Variants in GAP43 observed in about 807,000 individuals in gnomAD.
The protein encoded by GAP43 is growth associated protein 43.
In GAP43, 6 loss-of-function variants were observed where a neutral mutation model predicts 18.6. That is an observed-to-expected ratio of 0.32 (90% CI 0.18 to 0.64). The LOEUF is 0.64. Ranked by LOEUF, GAP43 falls within the 30% of genes least tolerant of loss-of-function variation. The pLI is 0.78. For missense variants in GAP43, 292 were observed against 295.5 expected, an observed-to-expected ratio of 0.99 and a Z score of 0.09; for synonymous variants, 115 against 111.4, an observed-to-expected ratio of 1.03 and a Z score of -0.20.
intron 1 of GAP43, among the ~76,000 whole-genome samples, chr3:115,648,453 G>A (rs1214080051): frequency 6.6e-6 from 1 of 152,072 alleles, no homozygotes; most frequent in Admixed American, 6.6e-5. Context: ...CCTATGATGT[G>A]TGGAGAAATA....
chr3:115,721,356 G>C lies in GAP43; in HGVS notation c.*474G>C, dbSNP rs1188771099. 1 of 151,948 alleles carries C rather than the reference G, an allele frequency of 6.6e-6. No homozygotes were observed. The highest frequency in any genetic ancestry group is 1.9e-4 in the East Asian group (1 of 5,184). The allele number at this position is 151,948 out of a possible 1,614,324, so 9.4% of individuals were successfully genotyped here. On this transcript the variant is annotated 3_prime_UTR_variant, in exon 3 of 3. Transcript: ENST00000305124. ...TCAATGTGATGGAATGAACAAAAAG[G>C]AAAAAATTCAAAAAACCCAGTTTGT...
chr3:115,686,313 A>G (rs1221274709), intron 2 of GAP43, among the ~76,000 whole-genome samples: 1 of 152,244 alleles, frequency 6.6e-6, no homozygotes, highest in East Asian at 1.9e-4. Context: ...GTACATATAT[A>G]TGTGATGCCA....
rs576337747 is a variant in GAP43 at position 115,705,950 on chromosome 3, G to A, written c.629-14844G>A. ...AACAAGATTCCAAAAGAAGTATGAC[G>A]TCTCTTTGCCTAGAAAACTTTCAAG... is the stretch of plus-strand genomic sequence containing the variant. On this transcript the variant is annotated intron_variant, in intron 2 of 2. Coordinates refer to ENST00000305124, the MANE Select transcript of GAP43 (RefSeq NM_002045.4). 1.4e-4 allele frequency among the ~76,000 whole-genome samples: 21 copies of A among 152,198 alleles called. 1 individual carries two copies. The highest frequency in any genetic ancestry group is 6.6e-4 in the Admixed American group (10 of 15,262).
At chr3:115,628,397 C>G (rs969127884) in intron 1 of GAP43, among the ~76,000 whole-genome samples, 1 of 152,082 alleles carries the variant, frequency 6.6e-6, no homozygotes, top group African/African-American at 2.4e-5. Context: ...CTCTATAGTT[C>G]TCTGTCTCAC....
intron 2 of GAP43, among the ~76,000 whole-genome samples, chr3:115,698,067 T>A (rs1279691023): frequency 0.17 from 11,251 of 67,272 alleles, 901 homozygotes; most frequent in South Asian, 0.25. Flanking sequence ...AAATATATAT[T>A]ATATATAATA....
At chr3:115,719,794 T>A (rs144180198) in intron 2 of GAP43, among the ~76,000 whole-genome samples, 10 of 152,286 alleles carry the variant, frequency 6.6e-5, no homozygotes, top group African/African-American at 2.4e-4. Context: ...AACCTAGGGG[T>A]GGTCTTGGGG....
intron 2 of GAP43, among the ~76,000 whole-genome samples, chr3:115,706,620 T>A (rs954593102): frequency 6.6e-6 from 1 of 152,212 alleles, no homozygotes; most frequent in African/African-American, 2.4e-5. Flanking sequence ...ATTCTTGTAT[T>A]ACTGAATCAT....
intron 1 of GAP43, among the ~76,000 whole-genome samples, chr3:115,645,499 T>G (rs745345760): frequency 1.3e-5 from 2 of 152,008 alleles, no homozygotes; most frequent in Non-Finnish European, 2.9e-5. Flanking sequence ...TCTTCTTGTT[T>G]TGGCTTCTGT....
intron 2 of GAP43, among the ~76,000 whole-genome samples, chr3:115,695,049 T>C (rs577858162): frequency 2.5e-4 from 38 of 152,360 alleles, no homozygotes; most frequent in African/African-American, 7.9e-4. Context: ...CATGGAAATA[T>C]CAGTGCCTTA....
intron 2 of GAP43, among the ~76,000 whole-genome samples, chr3:115,688,419 G>A (rs1161474229): frequency 6.6e-6 from 1 of 152,054 alleles, no homozygotes; most frequent in African/African-American, 2.4e-5. Flanking sequence ...CAACATAATT[G>A]TATAAATAAT....
chr3:115,641,034 T>TC (rs1245818348), intron 1 of GAP43, among the ~76,000 whole-genome samples: 1 of 140,766 alleles, frequency 7.1e-6, no homozygotes, highest in Non-Finnish European at 1.6e-5. Context: ...TGTTTTTTTT[T>TC]TTCTTTTTTT....
At position 115,701,491 on chromosome 3, in the gene GAP43, C is replaced by A. The variant is rs1709296519; in HGVS notation, c.629-19303C>A. Among the ~76,000 whole-genome samples, 4 of 151,988 alleles carry A rather than the reference C, an allele frequency of 2.6e-5. No homozygotes were observed. In the South Asian group the frequency reaches 8.3e-4, roughly 32 times the overall value. On this transcript the variant is annotated intron_variant, in intron 2 of 2. Coordinates refer to ENST00000305124, the MANE Select transcript of GAP43 (RefSeq NM_002045.4). Reference sequence around the variant, plus strand: ...CTTGGGAACAGTTCCATTAACTAGACTTCTGCTTGGTTTACATTACCTACA... The same window carrying A: ...CTTGGGAACAGTTCCATTAACTAGAATTCTGCTTGGTTTACATTACCTACA...
chr3:115,652,428 G>A (rs1708532557), intron 1 of GAP43, among the ~76,000 whole-genome samples: 1 of 123,184 alleles, frequency 8.1e-6, no homozygotes, highest in Non-Finnish European at 1.6e-5. Flanking sequence ...TGTTGTCCAG[G>A]CTTAAGTGCA....
chr3:115,687,865 G>A (rs1709054466), intron 2 of GAP43, among the ~76,000 whole-genome samples: 1 of 152,050 alleles, frequency 6.6e-6, no homozygotes, highest in Admixed American at 6.6e-5. Flanking sequence ...ATCTTTTCAG[G>A]CAGGCATCCA....
intron 2 of GAP43, among the ~76,000 whole-genome samples, chr3:115,681,489 C>G (rs544338929): frequency 6.6e-6 from 1 of 152,198 alleles, no homozygotes; most frequent in South Asian, 2.1e-4. Context: ...ATTCTCTGTC[C>G]TACCTGCCTT....
At chr3:115,630,703 C>T (rs1449524270) in intron 1 of GAP43, among the ~76,000 whole-genome samples, 1 of 152,170 alleles carries the variant, frequency 6.6e-6, no homozygotes, top group Non-Finnish European at 1.5e-5. Context: ...CTCCCAATCT[C>T]TTTGGCATTG....
At chr3:115,710,493 A>T (rs1330960932) in intron 2 of GAP43, among the ~76,000 whole-genome samples, 2 of 152,156 alleles carry the variant, frequency 1.3e-5, no homozygotes, top group African/African-American at 4.8e-5. Context: ...TGATCAGTAT[A>T]AAAAAGCACT....
At chr3:115,714,592 A>G (rs573816191) in intron 2 of GAP43, among the ~76,000 whole-genome samples, 70 of 152,290 alleles carry the variant, frequency 4.6e-4, no homozygotes, top group Non-Finnish European at 7.5e-4. Context: ...AAATATGACT[A>G]TGTTCCATTT....
At chr3:115,645,928 A>AT (rs1708453279) in intron 1 of GAP43, among the ~76,000 whole-genome samples, 1 of 152,036 alleles carries the variant, frequency 6.6e-6, no homozygotes, top group Non-Finnish European at 1.5e-5. Context: ...AATTTTAGGG[A>AT]TTTTTTAGAT....
Sources: allele counts gnomAD v4.1 joint callset (sites outside exome capture counted in the v4.1 genomes callset), GRCh38; gene constraint gnomAD v4.1.1; transcripts MANE v1.5; gene names NCBI Gene and HGNC (gene_info 2026-07-23, HGNC 2026-07-21).